The following CLIP4 variants were observed in gnomAD, a reference collection of about 807,000 sequenced individuals.
CLIP4 encodes CAP-Gly domain-containing linker protein 4.
Under a neutral mutation model 73.1 loss-of-function variants are expected in CLIP4, and 47 were observed. The ratio of observed to expected loss-of-function variants is 0.64; its 90% CI spans 0.51 to 0.82. The LOEUF is 0.82. CLIP4 is among the 40% of genes least tolerant of loss of function. CLIP4 has a pLI of 0.00. For missense variants in CLIP4, 874 were observed against 852.9 expected (o/e 1.02, Z -0.31); for synonymous variants, 306 against 295.4 (o/e 1.04, Z -0.37).
intron 1 of CLIP4, among the ~76,000 whole-genome samples, chr2:29,100,103 T>G (rs1286297677): frequency 2.0e-5 from 3 of 152,036 alleles, no homozygotes; most frequent in African/African-American, 4.8e-5. Flanking sequence ...AATTTTTGTA[T>G]TTTTTTGTAG....
At chr2:29,124,765 C>T (rs1309328911) in intron 2 of CLIP4, among the ~76,000 whole-genome samples, 2 of 152,144 alleles carry the variant, frequency 1.3e-5, no homozygotes, top group Non-Finnish European at 2.9e-5. Flanking sequence ...GTTTTCATCT[C>T]TAAAGTTTGC....
rs768180409 is a variant in CLIP4, at chr2:29,156,448, T to G, written c.1255+5T>G. On this transcript the variant is annotated splice_donor_5th_base_variant and intron_variant, in intron 10 of 15. Transcript: ENST00000320081. ...AAACTGTGACAGAGAAAGATGGTAA[T>G]ATACCTTGTAACCTCTGTTTCTCAA... is the stretch of plus-strand genomic sequence containing the variant. 6.5e-7 allele frequency: 1 copy of G among 1,547,802 alleles called. No individual in the cohort carries two copies. The highest frequency in any genetic ancestry group is 2.3e-5 in the Admixed American group (1 of 44,318).
In CLIP4 at chr2:29,142,512, T is replaced by C. The variant is rs146334001; in HGVS notation, c.649-1197T>C. On this transcript the variant is annotated intron_variant, in intron 6 of 15. Coordinates refer to ENST00000320081, the MANE Select transcript of CLIP4 (RefSeq NM_024692.6). The stretch of plus-strand genomic sequence containing the variant: ...TCTCTGTTTTTTAGAGAGTATACAT[T>C]AGTGTAACACATATCTTTATTGTAT... 3.7e-3 allele frequency among the ~76,000 whole-genome samples: 558 copies of C among 152,322 alleles called. 3 individuals carry two copies. The highest frequency in any genetic ancestry group is 0.013 in the African/African-American group (525 of 41,580).
At chr2:29,102,782 C>G (rs532745269) in intron 1 of CLIP4, among the ~76,000 whole-genome samples, 1 of 152,076 alleles carries the variant, frequency 6.6e-6, no homozygotes, top group East Asian at 1.9e-4. Context: ...CCCACCACCA[C>G]GCCCAGCTAA....
intron 1 of CLIP4, among the ~76,000 whole-genome samples, chr2:29,117,574 T>C (rs371100180): frequency 6.6e-6 from 1 of 152,328 alleles, no homozygotes; most frequent in Non-Finnish European, 1.5e-5. Flanking sequence ...TGAAGTGATC[T>C]GCCCATCTCG....
chr2:29,100,120 G>T (rs1004279021), intron 1 of CLIP4, among the ~76,000 whole-genome samples: 1 of 149,554 alleles, frequency 6.7e-6, no homozygotes, highest in Non-Finnish European at 1.5e-5. Context: ...GTAGAGACAG[G>T]GTTTTCGCCG....
intron 13 of CLIP4, among the ~76,000 whole-genome samples, chr2:29,166,183 T>C (rs1313610510): frequency 6.6e-6 from 1 of 152,142 alleles, no homozygotes; most frequent in East Asian, 1.9e-4. Flanking sequence ...TTTGGAACTC[T>C]TGAAAGATAC....
In CLIP4 at chr2:29,152,931, GAAACCTGAATTTAATA is replaced by G. The variant is rs984567368; in HGVS notation, c.1165+111_1165+126del. ...TCACTTTTTTTTGTTAGCCAACTCTGAAACCTGAATTTAATAAAACCTGCATCTTATGTGTTTTTAA... is the reference window on the plus strand; with the variant it reads ...TCACTTTTTTTTGTTAGCCAACTCTGAAACCTGCATCTTATGTGTTTTTAA... On this transcript the variant is annotated intron_variant, in intron 9 of 15. Coordinates refer to ENST00000320081, the MANE Select transcript of CLIP4 (RefSeq NM_024692.6). The G allele has an allele frequency of 2.6e-5, 33 of 1,288,388 alleles. No individual in the cohort carries two copies. In the African/African-American group the frequency reaches 4.1e-4, roughly 16 times the overall value. The allele number at this position is 1,288,388 out of a possible 1,614,324, so 79.8% of individuals were successfully genotyped here.
intron 1 of CLIP4, among the ~76,000 whole-genome samples, chr2:29,120,019 T>C (rs1664147768): frequency 6.6e-6 from 1 of 152,196 alleles, no homozygotes; most frequent in African/African-American, 2.4e-5. Context: ...GGTTCCTTAA[T>C]AAATACTCAT....
intron 1 of CLIP4, among the ~76,000 whole-genome samples, chr2:29,098,162 A>G (rs1190603662): frequency 6.6e-6 from 1 of 152,252 alleles, no homozygotes; most frequent in East Asian, 1.9e-4. Flanking sequence ...AAGTCAGTTC[A>G]GCACTCCAAA....
At chr2:29,131,978 T>C (rs2147950869) in intron 3 of CLIP4, 174 bp from the exon 4 acceptor site, 2 of 487,142 alleles carry the variant, frequency 4.1e-6, no homozygotes, top group South Asian at 4.0e-5. Flanking sequence ...GTTTTCATTA[T>C]TGTTGTTGAG....
chr2:29,147,482 T>C (rs1403824559), intron 8 of CLIP4, among the ~76,000 whole-genome samples: 1 of 152,178 alleles, frequency 6.6e-6, no homozygotes, highest in Non-Finnish European at 1.5e-5. Context: ...ATATTACTTT[T>C]ATGCTTTGAT....
chr2:29,135,908 C>T (rs1200615125), intron 6 of CLIP4, among the ~76,000 whole-genome samples: 1 of 152,046 alleles, frequency 6.6e-6, no homozygotes, highest in African/African-American at 2.4e-5. Context: ...CTTTAAGTGT[C>T]ATAATCTTTA....
intron 14 of CLIP4, among the ~76,000 whole-genome samples, chr2:29,168,390 A>G (rs1201154553): frequency 6.6e-6 from 1 of 151,980 alleles, no homozygotes; most frequent in Non-Finnish European, 1.5e-5. Flanking sequence ...ATGTGTGGCA[A>G]ATATCTTGCC....
intron 1 of CLIP4, among the ~76,000 whole-genome samples, chr2:29,099,863 C>T (rs1667989338): frequency 6.6e-6 from 1 of 152,096 alleles, no homozygotes; most frequent in African/African-American, 2.4e-5. Flanking sequence ...TTTATTTTAT[C>T]AGAATTTTAT....
At chr2:29,172,229 T>C (rs1266779621) in intron 14 of CLIP4, among the ~76,000 whole-genome samples, 2 of 152,164 alleles carry the variant, frequency 1.3e-5, no homozygotes, top group Non-Finnish European at 2.9e-5. Context: ...ATTGTAATAG[T>C]TTTATATTGT....
intron 7 of CLIP4, among the ~76,000 whole-genome samples, chr2:29,144,757 A>T (rs1666029229): frequency 6.9e-6 from 1 of 145,936 alleles, no homozygotes; most frequent in Non-Finnish European, 1.5e-5. Flanking sequence ...GGAACAGGGA[A>T]TTCCTGCTTG....
intron 13 of CLIP4, among the ~76,000 whole-genome samples, chr2:29,164,245 A>G (rs1377181113): frequency 2.6e-5 from 4 of 152,234 alleles, no homozygotes; most frequent in African/African-American, 9.6e-5. Context: ...AGCAAGCTTA[A>G]TCTGTCATGC....
At chr2:29,142,042 G>C (rs796738227) in intron 6 of CLIP4, among the ~76,000 whole-genome samples, 2 of 151,968 alleles carry the variant, frequency 1.3e-5, no homozygotes, top group Non-Finnish European at 2.9e-5. Context: ...TCCTGTTGTC[G>C]TGTTGTTAGC....
Sources: gnomAD v4.1 joint callset for allele counts (sites outside exome capture counted in the v4.1 genomes callset) on GRCh38, gnomAD v4.1.1 for gene constraint, MANE v1.5 for transcripts, NCBI Gene and HGNC (gene_info 2026-07-23, HGNC 2026-07-21) for gene names.